The following DNAH14 variants were observed in gnomAD, a reference collection of about 807,000 sequenced individuals.
The protein encoded by DNAH14 is axonemal beta dynein heavy chain 14.
DNAH14 carries 478 observed loss-of-function variants against 520.9 expected under a neutral mutation model. That is an observed-to-expected ratio of 0.92 (90% CI 0.85 to 0.99). The LOEUF (loss-of-function observed/expected upper bound fraction) is 0.99, where lower values mean the gene tolerates loss of function less well. DNAH14 is among the 50% of genes least tolerant of loss of function. The pLI is 0.00. For missense variants in DNAH14, 4,831 were observed against 5,234.5 expected, an observed-to-expected ratio of 0.92 and a Z score of 2.38; for synonymous variants, 1,581 against 1,757.2, an observed-to-expected ratio of 0.90 and a Z score of 2.51.
intron 17 of DNAH14, among the ~76,000 whole-genome samples, chr1:225,059,044 G>C (rs569846293): frequency 6.6e-6 from 1 of 152,158 alleles, no homozygotes; most frequent in Non-Finnish European, 1.5e-5. Context: ...TATTAGGTCC[G>C]CTTGGTGCAG....
At chr1:225,156,691 T>G (rs1244174038) in intron 34 of DNAH14, among the ~76,000 whole-genome samples, 1 of 149,082 alleles carries the variant, frequency 6.7e-6, no homozygotes. Context: ...TACTCTAGGA[T>G]AAACTCCTCT....
At chr1:225,360,205 C>A (rs2095477490) in intron 74 of DNAH14, among the ~76,000 whole-genome samples, 1 of 152,144 alleles carries the variant, frequency 6.6e-6, no homozygotes, top group Non-Finnish European at 1.5e-5. Flanking sequence ...GCATAGTGTT[C>A]AATGGTATAT....
At chr1:225,319,395 G>C (rs116866292) in intron 61 of DNAH14, among the ~76,000 whole-genome samples, 1 of 152,114 alleles carries the variant, frequency 6.6e-6, no homozygotes, top group South Asian at 2.1e-4. Flanking sequence ...TACCTATAAC[G>C]TCTTGGAATG....
chr1:225,021,870 C>T (rs971639176), intron 10 of DNAH14, among the ~76,000 whole-genome samples: 1 of 152,032 alleles, frequency 6.6e-6, no homozygotes, highest in Non-Finnish European at 1.5e-5. Context: ...TCACATTACC[C>T]GACTTCAAAC....
At chr1:225,270,468 TA>T (rs1447097389) in intron 49 of DNAH14, among the ~76,000 whole-genome samples, 1 of 152,114 alleles carries the variant, frequency 6.6e-6, no homozygotes, top group Non-Finnish European at 1.5e-5. Flanking sequence ...ATTTAAAGTA[TA>T]ATAATTTTAA....
chr1:224,991,927 C>T (rs768397770), intron 8 of DNAH14, among the ~76,000 whole-genome samples: 37 of 152,150 alleles, frequency 2.4e-4, no homozygotes, highest in Non-Finnish European at 4.9e-4. Flanking sequence ...GATGGTTTGA[C>T]ATGGTTGCAG....
intron 11 of DNAH14, among the ~76,000 whole-genome samples, chr1:225,036,908 G>A (rs554295878): frequency 1.3e-5 from 2 of 152,148 alleles, no homozygotes; most frequent in African/African-American, 4.8e-5. Context: ...GTGCTCCAGT[G>A]TTGGGTACAT....
At chr1:225,365,897 G>A (rs1464931042) in intron 76 of DNAH14, among the ~76,000 whole-genome samples, 1 of 152,132 alleles carries the variant, frequency 6.6e-6, no homozygotes, top group Non-Finnish European at 1.5e-5. Flanking sequence ...GTCTCCATCA[G>A]CATTTTAAAT....
chr1:225,383,555 A>G (rs1575129864), intron 81 of DNAH14, among the ~76,000 whole-genome samples: 1 of 152,218 alleles, frequency 6.6e-6, no homozygotes, highest in African/African-American at 2.4e-5. Context: ...TGCTCACTTG[A>G]CAGAGTGACA....
intron 54 of DNAH14, 141 bp downstream of exon 54, chr1:225,277,643 T>A: frequency 2.7e-6 from 1 of 371,898 alleles, no homozygotes; most frequent in Non-Finnish European, 5.5e-6. Flanking sequence ...AGGACTCTTG[T>A]CCTCTCTGCA....
At chr1:225,169,488 A>G (rs1237583210) in intron 36 of DNAH14, among the ~76,000 whole-genome samples, 3 of 152,240 alleles carry the variant, frequency 2.0e-5, no homozygotes, top group Non-Finnish European at 4.4e-5. Context: ...CACGAGAACG[A>G]TGTGACGCAT....
chr1:224,991,740 A>T (rs1380866369), intron 8 of DNAH14, among the ~76,000 whole-genome samples: 2 of 151,866 alleles, frequency 1.3e-5, no homozygotes, highest in Non-Finnish European at 2.9e-5. Context: ...GTTCCTTTTT[A>T]TGGCTGCATA....
chr1:225,179,233 T>A (rs984241499), intron 36 of DNAH14, among the ~76,000 whole-genome samples: 1 of 152,240 alleles, frequency 6.6e-6, no homozygotes, highest in African/African-American at 2.4e-5. Flanking sequence ...TATTGATGTG[T>A]AAGAACTTGC....
chr1:225,355,481 G>C (rs924785084), intron 73 of DNAH14, among the ~76,000 whole-genome samples: 2 of 151,806 alleles, frequency 1.3e-5, no homozygotes, highest in Non-Finnish European at 2.9e-5. Flanking sequence ...TCTTTATAAG[G>C]GACCTAATCT....
chr1:225,263,518 A>G (rs1386325187), intron 46 of DNAH14, among the ~76,000 whole-genome samples: 1 of 151,758 alleles, frequency 6.6e-6, no homozygotes, highest in Non-Finnish European at 1.5e-5. Context: ...ATATTCTACT[A>G]GTCATGTCTG....
chr1:225,057,119 G>A (rs2148366881), intron 17 of DNAH14, among the ~76,000 whole-genome samples: 1 of 152,240 alleles, frequency 6.6e-6, no homozygotes, highest in South Asian at 2.1e-4. Context: ...AAATTACCTT[G>A]GGCAGTATGC....
At chr1:224,996,021 T>C (rs761075744) in intron 8 of DNAH14, among the ~76,000 whole-genome samples, 3 of 152,168 alleles carry the variant, frequency 2.0e-5, no homozygotes, top group Non-Finnish European at 4.4e-5. Flanking sequence ...TTGTCTGCTA[T>C]TTAATAGGTT....
intron 26 of DNAH14, among the ~76,000 whole-genome samples, chr1:225,120,455 A>G (rs987373125): frequency 5.3e-5 from 8 of 152,244 alleles, no homozygotes; most frequent in Non-Finnish European, 1.2e-4. Context: ...AATCTTGTAG[A>G]TAATTTGTTA....
In DNAH14 at chr1:225,340,487, C is replaced by A; in HGVS notation, c.10464C>A (p.Pro3488=). 1 of 1,550,850 alleles carries A rather than the reference C, an allele frequency of 6.4e-7. No homozygotes were observed. Among genetic ancestry groups the A allele is most frequent in the Non-Finnish European group, 8.7e-7 (1 of 1,146,490 alleles). ...RLYLSTEIDN[P]HFLPSVYNFV... The stretch of plus-strand genomic sequence containing the variant: ...ACTTATCTACAGAAATAGACAACCC[C>A]CATTTTCTTCCATCAGTTTATAACT... Residue 3488 remains proline (P), a synonymous_variant, in exon 69 of 86, where the codon CCC becomes CCA. Coordinates refer to ENST00000682510, the MANE Select transcript of DNAH14 (RefSeq NM_001367479.1).
Sources: allele counts gnomAD v4.1 joint callset (sites outside exome capture counted in the v4.1 genomes callset), GRCh38; gene constraint gnomAD v4.1.1; transcripts MANE v1.5; gene names NCBI Gene and HGNC (gene_info 2026-07-23, HGNC 2026-07-21).